TBPL2: variants seen among roughly 807,000 people sequenced by gnomAD.
TBPL2 encodes TATA-box binding protein like 2.
In TBPL2, 40 loss-of-function variants were observed where a neutral mutation model predicts 38.2. The ratio of observed to expected loss-of-function variants is 1.05; its 90% CI spans 0.81 to 1.36. TBPL2 has a LOEUF of 1.36. Among genes scored for constraint, TBPL2 ranks in the 40% most tolerant of loss-of-function variants. The probability of loss-of-function intolerance (pLI) is 0.00; values close to 1 mark genes in which losing one functional copy is unlikely to be tolerated. For missense variants in TBPL2, 461 were observed against 456.7 expected, an observed-to-expected ratio of 1.01 and a Z score of -0.09; for synonymous variants, 169 against 171.7, an observed-to-expected ratio of 0.98 and a Z score of 0.12.
rs749637239 is a variant in TBPL2 at position 55,433,622 on chromosome 14, C to T, written c.788+8G>A. On this transcript the variant is annotated splice_region_variant and intron_variant, in intron 4 of 6. Coordinates refer to ENST00000247219, the Ensembl canonical transcript of TBPL2. ...CTCTGGTAGGGGTGGAGGGATGATT[C>T]CTCATACCTTTTGGCTCCCGTGCAG... 10 of 1,609,834 alleles carry T rather than the reference C, an allele frequency of 6.2e-6. No homozygotes were observed. The highest frequency in any genetic ancestry group is 1.6e-4 in the Middle Eastern group (1 of 6,068).
intron 5 of TBPL2, among the ~76,000 whole-genome samples, chr14:55,426,272 A>T (rs374772135): frequency 4.1e-4 from 62 of 151,918 alleles, no homozygotes; most frequent in African/African-American, 1.4e-3. Flanking sequence ...CATCTCAAAA[A>T]AAAAAAATAA....
intron 1 of TBPL2, among the ~76,000 whole-genome samples, chr14:55,439,548 G>T (rs1057415331): frequency 4.6e-5 from 7 of 151,374 alleles, no homozygotes; most frequent in Admixed American, 4.6e-4. Flanking sequence ...CCAGCACTTC[G>T]GGAGGCCAAG....
At chr14:55,427,308 A>G (rs1885841265) in intron 5 of TBPL2, among the ~76,000 whole-genome samples, 1 of 152,178 alleles carries the variant, frequency 6.6e-6, no homozygotes, top group African/African-American at 2.4e-5. Context: ...AAAAAAGAAA[A>G]CATAATCAAG....
chr14:55,437,590 A>G (rs1886037076), intron 1 of TBPL2, among the ~76,000 whole-genome samples: 1 of 152,246 alleles, frequency 6.6e-6, no homozygotes, highest in Non-Finnish European at 1.5e-5. Flanking sequence ...TTAGATCTCT[A>G]GTAAGTTGCC....
exon 2 of TBPL2, chr14:55,436,563 T>C (rs1886015474): frequency 6.2e-7 from 1 of 1,612,512 alleles, no homozygotes; most frequent in Non-Finnish European, 8.5e-7. Context: ...AAACTTACTG[T>C]AGTTGAGGTA....
At chr14:55,417,225 C>T (rs1029823662) in intron 6 of TBPL2, among the ~76,000 whole-genome samples, 10 of 152,070 alleles carry the variant, frequency 6.6e-5, no homozygotes, top group Non-Finnish European at 2.9e-5. Context: ...TGCGTGTAAC[C>T]GGTGTTCCTT....
chr14:55,434,522 G>C (rs1265651603), intron 3 of TBPL2, among the ~76,000 whole-genome samples: 1 of 152,176 alleles, frequency 6.6e-6, no homozygotes, highest in Non-Finnish European at 1.5e-5. Flanking sequence ...AGTTCAGAGA[G>C]ATCCTATACA....
At chr14:55,420,043 C>T in intron 6 of TBPL2, among the ~76,000 whole-genome samples, 1 of 152,136 alleles carries the variant, frequency 6.6e-6, no homozygotes, top group Non-Finnish European at 1.5e-5. Flanking sequence ...GAGGTGTTCA[C>T]CTGAAATTAG....
At chr14:55,419,256 C>G (rs970862215) in intron 6 of TBPL2, among the ~76,000 whole-genome samples, 1 of 152,178 alleles carries the variant, frequency 6.6e-6, no homozygotes, top group Non-Finnish European at 1.5e-5. Flanking sequence ...TTTACTAAGC[C>G]GTTCCATTTT....
chr14:55,423,093 A>G (rs1241672110), intron 6 of TBPL2, among the ~76,000 whole-genome samples: 7 of 152,226 alleles, frequency 4.6e-5, no homozygotes, highest in Admixed American at 2.0e-4. Context: ...AGGATAAGTT[A>G]TGTCATGTAC....
At chr14:55,438,614 C>T (rs983542370) in intron 1 of TBPL2, among the ~76,000 whole-genome samples, 1 of 152,174 alleles carries the variant, frequency 6.6e-6, no homozygotes, top group Admixed American at 6.5e-5. Context: ...GCTACACGTA[C>T]ACAAGAATGT....
chr14:55,440,450 G>A, exon 1 of TBPL2: 2 of 1,613,036 alleles, frequency 1.2e-6, no homozygotes, highest in Admixed American at 1.7e-5. Flanking sequence ...CCTGCTCCAT[G>A]GACCGTAATC....
At chr14:55,421,535 C>A (rs1480561411) in intron 6 of TBPL2, among the ~76,000 whole-genome samples, 8 of 152,198 alleles carry the variant, frequency 5.3e-5, no homozygotes, top group Non-Finnish European at 2.9e-5. Context: ...GCGAACTTGG[C>A]TCACTGCAGC....
At chr14:55,416,922 A>G (rs1374987824) in intron 6 of TBPL2, among the ~76,000 whole-genome samples, 1 of 152,230 alleles carries the variant, frequency 6.6e-6, no homozygotes, top group Non-Finnish European at 1.5e-5. Context: ...TAACACTTTT[A>G]TATTAAAAAA....
intron 1 of TBPL2, 35 bp downstream of exon 1, chr14:55,440,361 G>T (rs763901420): frequency 6.2e-7 from 1 of 1,612,176 alleles, no homozygotes; most frequent in Admixed American, 1.7e-5. Context: ...GGCGGGACTT[G>T]GGTCCTGACT....
At chr14:55,414,344 C>A in exon 7 of TBPL2, 1 of 1,508,864 alleles carries the variant, frequency 6.6e-7, no homozygotes, top group Non-Finnish European at 9.1e-7. Flanking sequence ...TGGACATATT[C>A]AAACCAGAAT....
At chr14:55,420,679 A>C (rs866432184) in intron 6 of TBPL2, among the ~76,000 whole-genome samples, 12 of 152,210 alleles carry the variant, frequency 7.9e-5, no homozygotes, top group African/African-American at 2.9e-4. Flanking sequence ...TTTTAAGGGA[A>C]GTGTACTGTA....
chr14:55,438,550 A>G (rs1301948501), intron 1 of TBPL2, among the ~76,000 whole-genome samples: 1 of 152,176 alleles, frequency 6.6e-6, no homozygotes, highest in Non-Finnish European at 1.5e-5. Flanking sequence ...TGCAACAGTC[A>G]GTGTCTCCCT....
exon 2 of TBPL2, chr14:55,436,966 T>A (rs201471997): frequency 3.8e-5 from 61 of 1,614,032 alleles, no homozygotes; most frequent in Middle Eastern, 1.6e-4. Flanking sequence ...TATGTACATA[T>A]CATAAGGTAC....
Sources: allele counts gnomAD v4.1 joint callset (sites outside exome capture counted in the v4.1 genomes callset), GRCh38; gene constraint gnomAD v4.1.1; transcripts MANE v1.5; gene names NCBI Gene and HGNC (gene_info 2026-07-23, HGNC 2026-07-21).